Variants in ASB3 observed in about 807,000 individuals in gnomAD.
ASB3 encodes the protein ankyrin repeat and SOCS box protein 3.
A neutral mutation model predicts 54.5 loss-of-function variants in ASB3; 41 were observed. That is an observed-to-expected ratio of 0.75 (90% CI 0.59 to 0.98). The LOEUF is 0.98. Among genes scored for constraint, ASB3 ranks in the 50% least tolerant of loss-of-function variants. ASB3 has a pLI of 0.00. For synonymous variants in ASB3, 266 were observed against 221.2 expected, an observed-to-expected ratio of 1.20 and a Z score of -1.80; for missense variants, 733 against 620.0, an observed-to-expected ratio of 1.18 and a Z score of -1.94.
chr2:53,671,977 C>T (rs1312740854), intron 9 of ASB3, among the ~76,000 whole-genome samples: 2 of 152,152 alleles, frequency 1.3e-5, no homozygotes, highest in East Asian at 3.8e-4. Flanking sequence ...TGATACCAGA[C>T]CAGCTAGTCT....
intron 7 of ASB3, among the ~76,000 whole-genome samples, chr2:53,710,206 C>G (rs1332271506): frequency 1.3e-5 from 2 of 152,254 alleles, no homozygotes; most frequent in Non-Finnish European, 2.9e-5. Context: ...CACGCTCCAG[C>G]TGCCAGACAG....
Position 53,750,798 on chromosome 2 carries a change from T to C in ASB3, c.340A>G (p.Thr114Ala). 6.4e-7 allele frequency: 1 copy of C among 1,566,338 alleles called. No homozygotes were observed. The highest frequency in any genetic ancestry group is 8.6e-7 in the Non-Finnish European group (1 of 1,159,178). ...GCATACTTACCTAAAAACAATGGTG[T>C]CGTTTCTTCTAAAGTAGTTGCATTA... is the stretch of plus-strand genomic sequence containing the variant. ...DPNATTLEETTPLFLAVENGQ... is the reference protein window; with the variant it reads ...DPNATTLEETAPLFLAVENGQ... The change falls in exon 3 of 10, where the codon ACA (threonine) becomes GCA (alanine). Residue 114 changes from threonine (T) to alanine (A), a missense_variant. Thr to Ala is a moderately conservative substitution (Grantham distance 58, BLOSUM62 0). Transcript: ENST00000263634.
chr2:53,670,367 C>A lies in ASB3; in HGVS notation c.*136G>T. The A allele has an allele frequency of 1.2e-6, 1 of 821,240 alleles. No individual in the cohort carries two copies. Among genetic ancestry groups the A allele is most frequent in the Non-Finnish European group, 1.7e-6 (1 of 572,068 alleles). 50.9% of individuals were successfully genotyped at this position (821,240 alleles called of 1,614,324 possible). A position where few individuals can be genotyped will look rare whatever the true frequency, so the allele number is the denominator to read the frequency against. On this transcript the variant is annotated 3_prime_UTR_variant, in exon 10 of 10. Coordinates refer to ENST00000263634, the MANE Select transcript of ASB3 (RefSeq NM_016115.5). ...TAAACATTCTCACTGAACTACTGGC[C>A]CCCCAAAACCTAACCTATCTCACAA...
At position 53,670,565 on chromosome 2, in the gene ASB3, G is replaced by C. The variant is rs1667756953; in HGVS notation, c.1495C>G (p.Leu499Val). Residue 499 changes from leucine (L) to valine (V), a missense_variant, in exon 10 of 10, where the codon CTC (leucine) becomes GTC (valine). Leu to Val is a conservative substitution (Grantham distance 32). Coordinates refer to ENST00000263634, the MANE Select transcript of ASB3 (RefSeq NM_016115.5). The stretch of plus-strand genomic sequence containing the variant: ...TACATCCTCAGAACGTCTTCATAGA[G>C]CAAATAATTATGTAGGCTTCTGGGA... ...PLPRSLHNYLLYEDVLRMYEV... is the reference protein window; with the variant it reads ...PLPRSLHNYLVYEDVLRMYEV... 6.2e-7 allele frequency: 1 copy of C among 1,613,938 alleles called. No individual in the cohort carries two copies. The highest frequency in any genetic ancestry group is 8.5e-7 in the Non-Finnish European group (1 of 1,179,972).
At chr2:53,741,595 GTATGGAC>G (rs1344713202) in intron 3 of ASB3, among the ~76,000 whole-genome samples, 2 of 152,162 alleles carry the variant, frequency 1.3e-5, no homozygotes, top group Non-Finnish European at 2.9e-5. Context: ...AGATTGTATT[GTATGGAC>G]TGGGGTTGAG....
At chr2:53,695,332 T>C (rs1174080785) in intron 8 of ASB3, among the ~76,000 whole-genome samples, 1 of 152,138 alleles carries the variant, frequency 6.6e-6, no homozygotes, top group South Asian at 2.1e-4. Context: ...CACAGATGTC[T>C]TGGGAAAACA....
rs188818378 is a variant in ASB3 at position 53,763,278 on chromosome 2, G to C, written c.196+2099C>G. ...GGAGACTGAGGCAGGAGAACCGCTTGAATCTGGGAGGTGGAGGTGGTGGTG... is the reference window on the plus strand; with the variant it reads ...GGAGACTGAGGCAGGAGAACCGCTTCAATCTGGGAGGTGGAGGTGGTGGTG... On this transcript the variant is annotated intron_variant, in intron 2 of 9. Coordinates refer to ENST00000263634, the MANE Select transcript of ASB3 (RefSeq NM_016115.5). Among the ~76,000 whole-genome samples the C allele has an allele frequency of 2.6e-5, 4 of 152,300 alleles. No individual in the cohort carries two copies. The East Asian group carries it at 7.7e-4, about 29-fold the overall frequency.
rs748861285 is a variant in ASB3, at chr2:53,700,285, T to C, written c.1224A>G (p.Leu408=). 4.5e-5 allele frequency: 72 copies of C among 1,613,622 alleles called. No homozygotes were observed. The Admixed American group carries it at 8.5e-4, about 19-fold the overall frequency. ...LLVAGFDPLI[L]LCNSWIDSVS... Reference sequence around the variant, plus strand: ...GAATTTCTTACCAAGAATTGCACAGTAGAATCAGTGGGTCAAATCCAGCAA... The same window carrying C: ...GAATTTCTTACCAAGAATTGCACAGCAGAATCAGTGGGTCAAATCCAGCAA... Residue 408 remains leucine (L), a synonymous_variant, in exon 8 of 10, where the codon CTA becomes CTG. Coordinates refer to ENST00000263634, the MANE Select transcript of ASB3 (RefSeq NM_016115.5).
intron 3 of ASB3, among the ~76,000 whole-genome samples, chr2:53,733,000 A>G (rs1331631132): frequency 6.6e-6 from 1 of 152,196 alleles, no homozygotes; most frequent in Non-Finnish European, 1.5e-5. Context: ...ATACTTTCTC[A>G]AGCCTACTGA....
At chr2:53,729,884 T>C (rs1572922540) in intron 3 of ASB3, among the ~76,000 whole-genome samples, 1 of 152,260 alleles carries the variant, frequency 6.6e-6, no homozygotes. Flanking sequence ...GGATATAAGG[T>C]GGACAATTCA....
chr2:53,737,271 A>G (rs1671691198), intron 3 of ASB3, among the ~76,000 whole-genome samples: 1 of 152,202 alleles, frequency 6.6e-6, no homozygotes, highest in Non-Finnish European at 1.5e-5. Context: ...GTTACGGTAC[A>G]GTGAGCTGAA....
intron 3 of ASB3, among the ~76,000 whole-genome samples, chr2:53,731,148 T>C (rs926099354): frequency 3.3e-5 from 5 of 152,208 alleles, no homozygotes; most frequent in African/African-American, 1.2e-4. Flanking sequence ...CCGCCTGTAA[T>C]CCCAGCACTT....
In ASB3 at chr2:53,728,705, A is replaced by C; in HGVS notation, c.604+7T>G. On this transcript the variant is annotated splice_region_variant and intron_variant, in intron 5 of 9. Transcript: ENST00000263634. The stretch of plus-strand genomic sequence containing the variant: ...TTAACAGTACAAAGGCTAATGGATA[A>C]TCTTACCCGATGAAATAAGTATGCT... 6.3e-7 allele frequency: 1 copy of C among 1,597,262 alleles called. No individual in the cohort carries two copies. Among genetic ancestry groups the C allele is most frequent in the Non-Finnish European group, 8.5e-7 (1 of 1,172,028 alleles).
At chr2:53,700,710 C>T (rs567765936) in intron 7 of ASB3, among the ~76,000 whole-genome samples, 182 bp from the exon 8 acceptor site, 3 of 152,020 alleles carry the variant, frequency 2.0e-5, no homozygotes, top group African/African-American at 4.8e-5. Context: ...CTTTTTACAC[C>T]CTCCTGCATG....
chr2:53,769,976 C>G (rs1028492178), intron 1 of ASB3, among the ~76,000 whole-genome samples: 1 of 152,196 alleles, frequency 6.6e-6, no homozygotes, highest in African/African-American at 2.4e-5. Flanking sequence ...TCTAGAATGA[C>G]AATATAAGCT....
intron 1 of ASB3, among the ~76,000 whole-genome samples, chr2:53,778,632 AT>A (rs1490737006): frequency 2.0e-5 from 3 of 152,068 alleles, no homozygotes; most frequent in Admixed American, 6.6e-5. Context: ...GTAAGCACAT[AT>A]GTTGTTTGTC....
At chr2:53,681,449 T>A (rs1051767380) in intron 9 of ASB3, among the ~76,000 whole-genome samples, 1 of 152,200 alleles carries the variant, frequency 6.6e-6, no homozygotes, top group Admixed American at 6.5e-5. Context: ...CTTTGCCCAG[T>A]TCAATGTACT....
chr2:53,718,115 T>C (rs1019638916), intron 5 of ASB3, among the ~76,000 whole-genome samples: 19 of 152,158 alleles, frequency 1.2e-4, no homozygotes, highest in African/African-American at 3.9e-4. Flanking sequence ...GGAAAACATA[T>C]TTGAGGACAT....
rs114036064 is a variant in ASB3, at chr2:53,779,018, C to T, written c.-14+7803G>A. 1.7e-3 allele frequency among the ~76,000 whole-genome samples: 254 copies of T among 152,294 alleles called. No homozygotes were observed. The Middle Eastern group carries it at 0.024, about 14-fold the overall frequency. ...TTGCCATTAACAGTGTACAGAGGTT[C>T]CCCTTTCTCCACATGCCTTGCCAAC... On this transcript the variant is annotated intron_variant, in intron 1 of 9. Coordinates refer to ENST00000263634, the MANE Select transcript of ASB3 (RefSeq NM_016115.5).
Sources: gnomAD v4.1 joint callset for allele counts (sites outside exome capture counted in the v4.1 genomes callset) on GRCh38, gnomAD v4.1.1 for gene constraint, MANE v1.5 for transcripts, NCBI Gene and HGNC (gene_info 2026-07-23, HGNC 2026-07-21) for gene names.